Variants in DOCK1 observed in about 807,000 individuals in gnomAD.
DOCK1 encodes the protein dedicator of cytokinesis protein 1.
DOCK1 carries 138 observed loss-of-function variants against 262.7 expected under a neutral mutation model. The observed-to-expected ratio is 0.53, with a 90% CI of 0.46 to 0.61. DOCK1 has a LOEUF of 0.61. DOCK1 is among the 20% of genes least tolerant of loss of function. DOCK1 has a pLI of 0.00. For missense variants in DOCK1, 1,908 were observed against 2,370.7 expected (o/e 0.80, Z 4.05); for synonymous variants, 866 against 867.4 (o/e 1.00, Z 0.03).
At chr10:127,092,763 G>A (rs1016998966) in intron 23 of DOCK1, among the ~76,000 whole-genome samples, 1 of 152,190 alleles carries the variant, frequency 6.6e-6, no homozygotes, top group African/African-American at 2.4e-5. Flanking sequence ...GATTACAGGC[G>A]TGAGCCACCG....
chr10:127,275,409 C>T (rs992895054), intron 29 of DOCK1, among the ~76,000 whole-genome samples: 3 of 152,138 alleles, frequency 2.0e-5, no homozygotes, highest in Non-Finnish European at 2.9e-5. Context: ...AGGAGGAGGC[C>T]AGCCTGCTGT....
At position 127,143,696 on chromosome 10, in the gene DOCK1, A is replaced by G. The variant is rs10829481; in HGVS notation, c.2847+15932A>G. Among the ~76,000 whole-genome samples, 1,004 of 152,256 alleles carry G rather than the reference A, an allele frequency of 6.6e-3. 4 individuals carry two copies. Among genetic ancestry groups the G allele is most frequent in the Admixed American group, 0.012 (177 of 15,296 alleles). On this transcript the variant is annotated intron_variant, in intron 27 of 51. Transcript: ENST00000623213. ...GCAACACCAGCATTGTCCAGAGGAA[A>G]CTAAAAGTTGGGATCTGGATCCCAG...
At chr10:126,909,258 G>A (rs529880305) in intron 1 of DOCK1, among the ~76,000 whole-genome samples, 4 of 152,036 alleles carry the variant, frequency 2.6e-5, no homozygotes, top group East Asian at 1.9e-4. Context: ...GCTAATGATC[G>A]GCAGTTACAA....
chr10:126,990,951 C>G (rs776192017), intron 6 of DOCK1, among the ~76,000 whole-genome samples: 1 of 152,170 alleles, frequency 6.6e-6, no homozygotes, highest in East Asian at 1.9e-4. Context: ...TCTGGGGGGC[C>G]TTGCATAGTG....
intron 3 of DOCK1, among the ~76,000 whole-genome samples, chr10:126,981,275 C>A (rs537324490): frequency 6.6e-6 from 1 of 152,212 alleles, no homozygotes; most frequent in Non-Finnish European, 1.5e-5. Context: ...TCTGGCACTT[C>A]ACAGAATGTG....
chr10:126,967,222 CCTT>C (rs1352375503), intron 1 of DOCK1, among the ~76,000 whole-genome samples: 3 of 152,174 alleles, frequency 2.0e-5, no homozygotes, highest in Non-Finnish European at 4.4e-5. Flanking sequence ...TCATCCTCAT[CCTT>C]CTTAAAGGAG....
At position 127,257,652 on chromosome 10, in the gene DOCK1, C is replaced by T. The variant is rs1418956149; in HGVS notation, c.3044+223C>T. 7.7e-6 allele frequency: 3 copies of T among 390,134 alleles called. No individual in the cohort carries two copies. In the Admixed American group the frequency reaches 1.1e-4, roughly 14 times the overall value. The allele number at this position is 390,134 out of a possible 1,614,324, so 24.2% of individuals were successfully genotyped here. On this transcript the variant is annotated intron_variant, in intron 29 of 51. Coordinates refer to ENST00000623213, the MANE Select transcript of DOCK1 (RefSeq NM_001290223.2). ...CTGGCTCTAAGAACTTGAGCTCCGT[C>T]CCCTGGAGAAAAACAGCCTGAAGCT... is the stretch of plus-strand genomic sequence containing the variant.
At chr10:127,345,946 C>A (rs147355408) in intron 31 of DOCK1, among the ~76,000 whole-genome samples, 1 of 152,206 alleles carries the variant, frequency 6.6e-6, no homozygotes, top group South Asian at 2.1e-4. Flanking sequence ...AAGCACAGTG[C>A]GGCACAACGC....
chr10:127,352,332 A>C (rs2063925050), intron 31 of DOCK1, among the ~76,000 whole-genome samples: 1 of 149,074 alleles, frequency 6.7e-6, no homozygotes. Context: ...GGGGAGGGGC[A>C]AAGAGGATGG....
intron 29 of DOCK1, among the ~76,000 whole-genome samples, chr10:127,293,795 T>G (rs767732644): frequency 3.3e-5 from 5 of 152,234 alleles, no homozygotes; most frequent in Non-Finnish European, 7.3e-5. Context: ...TGTGGGATGC[T>G]TGAGGAAATC....
chr10:127,159,896 C>CT (rs1414479087), intron 27 of DOCK1, among the ~76,000 whole-genome samples: 3 of 152,136 alleles, frequency 2.0e-5, no homozygotes, highest in African/African-American at 7.2e-5. Flanking sequence ...CACGGGAGGG[C>CT]TGGACGGCAT....
At chr10:127,185,521 T>TCA (rs1461672100) in intron 27 of DOCK1, among the ~76,000 whole-genome samples, 2 of 152,168 alleles carry the variant, frequency 1.3e-5, no homozygotes, top group African/African-American at 4.8e-5. Flanking sequence ...ACACTATACA[T>TCA]CACAGTATCC....
intron 1 of DOCK1, among the ~76,000 whole-genome samples, chr10:126,910,398 T>C (rs762368574): frequency 6.6e-6 from 1 of 152,266 alleles, no homozygotes; most frequent in Middle Eastern, 3.2e-3. Context: ...TGTCCTTTGC[T>C]GGGTGTGGCG....
intron 38 of DOCK1, among the ~76,000 whole-genome samples, chr10:127,395,149 G>A (rs2066746345): frequency 6.6e-6 from 1 of 152,142 alleles, no homozygotes; most frequent in African/African-American, 2.4e-5. Flanking sequence ...GCAGTGCAGG[G>A]GACTGTCTTC....
chr10:127,264,323 C>T (rs963178452), intron 29 of DOCK1, among the ~76,000 whole-genome samples: 1 of 152,184 alleles, frequency 6.6e-6, no homozygotes, highest in African/African-American at 2.4e-5. Flanking sequence ...GATTATCAAT[C>T]GCTTCCAGGC....
chr10:127,177,934 C>T (rs1039453573), intron 27 of DOCK1, among the ~76,000 whole-genome samples: 2 of 152,162 alleles, frequency 1.3e-5, no homozygotes, highest in African/African-American at 2.4e-5. Flanking sequence ...AAATAAGCAG[C>T]GCAGGCAGGA....
At chr10:127,294,157 G>A (rs1590312272) in intron 29 of DOCK1, among the ~76,000 whole-genome samples, 2 of 152,236 alleles carry the variant, frequency 1.3e-5, no homozygotes, top group African/African-American at 4.8e-5. Flanking sequence ...CCATCCTCAT[G>A]GTACTTGGGG....
intron 1 of DOCK1, among the ~76,000 whole-genome samples, chr10:126,966,842 C>T (rs1047032513): frequency 9.2e-5 from 14 of 152,184 alleles, no homozygotes; most frequent in Admixed American, 2.0e-4. Context: ...AAGAACTTGG[C>T]GCTTGGTTTA....
intron 3 of DOCK1, among the ~76,000 whole-genome samples, chr10:126,979,088 A>C (rs1324104063): frequency 6.6e-6 from 1 of 152,008 alleles, no homozygotes; most frequent in African/African-American, 2.4e-5. Flanking sequence ...TGCCAACCTC[A>C]GACTGGGCTA....
Sources: gnomAD v4.1 joint callset for allele counts (sites outside exome capture counted in the v4.1 genomes callset) on GRCh38, gnomAD v4.1.1 for gene constraint, MANE v1.5 for transcripts, NCBI Gene and HGNC (gene_info 2026-07-23, HGNC 2026-07-21) for gene names.